The following ZNF398 variants were observed in gnomAD, a reference collection of about 807,000 sequenced individuals.
ZNF398 encodes zinc finger protein 398.
ZNF398 carries 18 observed loss-of-function variants against 41.9 expected under a neutral mutation model. The observed-to-expected ratio is 0.43, with a 90% CI of 0.30 to 0.64. ZNF398 has a LOEUF of 0.64. Among genes scored for constraint, ZNF398 ranks in the 30% least tolerant of loss-of-function variants. The pLI is 0.14. For missense variants in ZNF398, 669 were observed against 822.8 expected, an observed-to-expected ratio of 0.81 and a Z score of 2.29; for synonymous variants, 260 against 308.8, an observed-to-expected ratio of 0.84 and a Z score of 1.66.
chr7:149,166,859 C>G lies in ZNF398; in HGVS notation c.590C>G (p.Pro197Arg), dbSNP rs368726259. Residue 197 changes from proline (P) to arginine (R), a missense_variant, in exon 4 of 6, where the codon CCA becomes CGA. By Grantham distance (103) the Pro-to-Arg change is moderately radical (BLOSUM62 -2). Coordinates refer to ENST00000475153, the MANE Select transcript of ZNF398 (RefSeq NM_170686.3). ...CCTGATGTCTTATCTCAGATTCAAC[C>G]AGAAGGGGAACATAATACAGAGGAC... is the stretch of plus-strand genomic sequence containing the variant. ...NQPDVLSQIQ[P>R]EGEHNTEDQA... The G allele has an allele frequency of 1.9e-6, 3 of 1,613,202 alleles. No individual in the cohort carries two copies. The highest frequency in any genetic ancestry group is 2.5e-6 in the Non-Finnish European group (3 of 1,179,394).
intron 2 of ZNF398, among the ~76,000 whole-genome samples, chr7:149,138,246 A>G (rs1262677842): frequency 6.6e-6 from 1 of 151,730 alleles, no homozygotes; most frequent in Non-Finnish European, 1.5e-5. Flanking sequence ...AATGCTATGC[A>G]AGATATTCAA....
intron 1 of ZNF398, among the ~76,000 whole-genome samples, chr7:149,151,753 T>C (rs932966643): frequency 6.6e-6 from 1 of 151,798 alleles, no homozygotes; most frequent in African/African-American, 2.4e-5. Context: ...CCTATTTATT[T>C]ATTCATTCAT....
At chr7:149,168,496 T>A (rs1421000309) in intron 4 of ZNF398, among the ~76,000 whole-genome samples, 1 of 152,204 alleles carries the variant, frequency 6.6e-6, no homozygotes, top group African/African-American at 2.4e-5. Flanking sequence ...TCTTTTCAGG[T>A]AAATTTTACA....
chr7:149,156,338 C>T (rs71532763), intron 2 of ZNF398, among the ~76,000 whole-genome samples: 1 of 150,740 alleles, frequency 6.6e-6, no homozygotes, highest in South Asian at 2.1e-4. Context: ...AACCCCGTCT[C>T]TACTAAAAAT....
intron 4 of ZNF398, among the ~76,000 whole-genome samples, chr7:149,174,914 A>C (rs1412633822): frequency 1.3e-5 from 2 of 151,378 alleles, no homozygotes; most frequent in Non-Finnish European, 2.9e-5. Flanking sequence ...CCTTATATCC[A>C]GTCTTTCCCC....
At chr7:149,174,562 T>G (rs1795422958) in intron 4 of ZNF398, among the ~76,000 whole-genome samples, 1 of 152,140 alleles carries the variant, frequency 6.6e-6, no homozygotes, top group Admixed American at 6.5e-5. Flanking sequence ...TGGTGGGTCA[T>G]GCCTATAATC....
intron 1 of ZNF398, among the ~76,000 whole-genome samples, chr7:149,150,811 G>A (rs1827091897): frequency 6.6e-6 from 1 of 152,024 alleles, no homozygotes; most frequent in East Asian, 1.9e-4. Flanking sequence ...CTGGGTTCAA[G>A]TGATTCTCTA....
intron 2 of ZNF398, among the ~76,000 whole-genome samples, chr7:149,136,860 G>A (rs1463800545): frequency 2.0e-5 from 3 of 148,730 alleles, no homozygotes; most frequent in Non-Finnish European, 4.4e-5. Flanking sequence ...GAGCCACCGC[G>A]CTGGGCCTTT....
intron 2 of ZNF398, among the ~76,000 whole-genome samples, chr7:149,156,614 T>C (rs1020117270): frequency 1.3e-5 from 2 of 151,388 alleles, no homozygotes; most frequent in Non-Finnish European, 1.5e-5. Flanking sequence ...ATCCCAGCAC[T>C]TTGGGAGGCC....
chr7:149,140,385 T>C (rs1032373718), intron 2 of ZNF398, among the ~76,000 whole-genome samples: 4 of 152,060 alleles, frequency 2.6e-5, no homozygotes, highest in African/African-American at 2.4e-5. Context: ...TAACAGTACA[T>C]AAAATACTTT....
intron 1 of ZNF398, among the ~76,000 whole-genome samples, chr7:149,148,709 T>G (rs567964022): frequency 2.0e-5 from 3 of 152,248 alleles, no homozygotes; most frequent in South Asian, 2.1e-4. Context: ...AATAGAAATA[T>G]AAGGGAAGCC....
intron 1 of ZNF398, among the ~76,000 whole-genome samples, chr7:149,127,331 C>T (rs1380269169): frequency 1.3e-5 from 2 of 151,596 alleles, no homozygotes; most frequent in African/African-American, 4.8e-5. Context: ...GGAGCGTGTG[C>T]ACATCTGTAT....
chr7:149,157,720 C>G (rs1795012417), intron 2 of ZNF398, among the ~76,000 whole-genome samples: 1 of 151,868 alleles, frequency 6.6e-6, no homozygotes, highest in Non-Finnish European at 1.5e-5. Context: ...CGCCTGTAGT[C>G]CCAGCTACTT....
At chr7:149,170,067 T>A (rs533503363) in intron 4 of ZNF398, among the ~76,000 whole-genome samples, 1 of 152,194 alleles carries the variant, frequency 6.6e-6, no homozygotes, top group African/African-American at 2.4e-5. Flanking sequence ...AAGGTTTTTA[T>A]TGGGGGCTAA....
intron 1 of ZNF398, among the ~76,000 whole-genome samples, chr7:149,127,548 CA>C (rs61080328): frequency 0.015 from 1,109 of 74,876 alleles, 14 homozygotes; most frequent in South Asian, 0.023. Flanking sequence ...ACTAAAAATA[CA>C]AAAAAAAAAA....
intron 2 of ZNF398, among the ~76,000 whole-genome samples, chr7:149,155,257 T>G (rs570257132): frequency 2.0e-4 from 30 of 152,140 alleles, no homozygotes; most frequent in Non-Finnish European, 4.0e-4. Flanking sequence ...CCATCTCTAT[T>G]AAACATACAA....
At chr7:149,154,379 G>A (rs753313578) in intron 2 of ZNF398, 39 bp downstream of exon 2, 40 of 1,541,546 alleles carry the variant, frequency 2.6e-5, no homozygotes, top group Middle Eastern at 1.7e-4. Flanking sequence ...GGTACCACTA[G>A]AACTTACATT....
chr7:149,174,372 T>C (rs1795419483), intron 4 of ZNF398, among the ~76,000 whole-genome samples: 1 of 152,084 alleles, frequency 6.6e-6, no homozygotes, highest in Non-Finnish European at 1.5e-5. Context: ...GTATTTTTAG[T>C]AGAGACAGGG....
intron 4 of ZNF398, among the ~76,000 whole-genome samples, chr7:149,170,297 G>A (rs1795307815): frequency 1.3e-5 from 2 of 152,116 alleles, no homozygotes; most frequent in South Asian, 4.1e-4. Context: ...ATGTACCTAG[G>A]CTATATAGTA....
Sources: gnomAD v4.1 joint callset for allele counts (sites outside exome capture counted in the v4.1 genomes callset) on GRCh38, gnomAD v4.1.1 for gene constraint, MANE v1.5 for transcripts, NCBI Gene and HGNC (gene_info 2026-07-23, HGNC 2026-07-21) for gene names.